RALGAPA2: variants seen among roughly 807,000 people sequenced by gnomAD.
RALGAPA2 encodes the protein Ral GTPase activating protein catalytic subunit alpha 2, also known as ral GTPase-activating protein subunit alpha-2.
A neutral mutation model predicts 230.4 loss-of-function variants in RALGAPA2; 139 were observed. That is an observed-to-expected ratio of 0.60 (90% CI 0.53 to 0.69). RALGAPA2 has a LOEUF of 0.69. Ranked by LOEUF, RALGAPA2 falls within the 30% of genes least tolerant of loss-of-function variation. The pLI is 0.00. For missense variants in RALGAPA2, 2,163 were observed against 2,276.0 expected, an observed-to-expected ratio of 0.95 and a Z score of 1.01; for synonymous variants, 847 against 837.8, an observed-to-expected ratio of 1.01 and a Z score of -0.19.
rs570939852 is a variant in RALGAPA2 at position 20,591,274 on chromosome 20, G to T, written c.2244C>A (p.Ala748=). ...ECQQSENAPA[A]GSGHLTVGQQ... is the part of the protein sequence containing the mutation. ...GTCCCACTGTGAGATGGCCAGATCC[G>T]GCTGCAGGTGCATTTTCTGACTGTT... Residue 748 remains alanine (A), a synonymous_variant, in exon 17 of 40, where the codon GCC becomes GCA. Transcript: ENST00000202677. The T allele has an allele frequency of 6.2e-7, 1 of 1,613,800 alleles. No homozygotes were observed. Among genetic ancestry groups the T allele is most frequent in the South Asian group, 1.1e-5 (1 of 91,070 alleles).
In RALGAPA2 at chr20:20,584,614, T is replaced by C. The variant is rs150591201; in HGVS notation, c.2530+251A>G. Among the ~76,000 whole-genome samples the C allele has an allele frequency of 1.1e-3, 165 of 152,264 alleles. 3 individuals are homozygous for C. The East Asian group carries it at 0.027, about 25-fold the overall frequency. The stretch of plus-strand genomic sequence containing the variant: ...GGGCAACATGGCAAAACCTCATCTC[T>C]ATAAAAAATAGAAAAATCAGCCAAG... On this transcript the variant is annotated intron_variant, in intron 19 of 39. Transcript: ENST00000202677.
At chr20:20,600,326 T>C (rs544328409) in intron 16 of RALGAPA2, among the ~76,000 whole-genome samples, 1 of 152,188 alleles carries the variant, frequency 6.6e-6, no homozygotes, top group East Asian at 1.9e-4. Flanking sequence ...AATCCAATGA[T>C]AAAAGCAAAT....
chr20:20,653,938 T>C (rs1471600079), intron 3 of RALGAPA2, among the ~76,000 whole-genome samples: 10 of 152,192 alleles, frequency 6.6e-5, no homozygotes, highest in Non-Finnish European at 8.8e-5. Context: ...TTTCTTCTTT[T>C]TCACCATCTC....
chr20:20,534,645 T>C (rs1350100805), intron 26 of RALGAPA2, among the ~76,000 whole-genome samples: 2 of 151,742 alleles, frequency 1.3e-5, no homozygotes, highest in Admixed American at 1.3e-4. Context: ...ATCAAGAAAA[T>C]ATTAGACCTA....
rs1018047267 is a variant in RALGAPA2, at chr20:20,535,943, G to C, written c.3415-140C>G. 22 of 1,336,276 alleles carry C rather than the reference G, an allele frequency of 1.6e-5. 1 individual carries two copies. The highest frequency in any genetic ancestry group is 1.9e-4 in the Middle Eastern group (1 of 5,262). 82.8% of individuals were successfully genotyped at this position (1,336,276 alleles called of 1,614,324 possible). On this transcript the variant is annotated intron_variant, in intron 25 of 39. Transcript: ENST00000202677. ...GAGCTCATCTATGAGTGAGAGCCTG[G>C]GGGGAAGAAGAACACTGGGCTCGGG...
chr20:20,436,105 G>A (rs777015831), intron 37 of RALGAPA2, among the ~76,000 whole-genome samples: 3 of 152,138 alleles, frequency 2.0e-5, no homozygotes, highest in African/African-American at 4.8e-5. Context: ...GGAAAAGCCC[G>A]CTGGGCCCCA....
At chr20:20,671,367 C>T (rs1014906937) in intron 3 of RALGAPA2, among the ~76,000 whole-genome samples, 11 of 152,196 alleles carry the variant, frequency 7.2e-5, no homozygotes, top group African/African-American at 2.7e-4. Context: ...TACATGGTAT[C>T]GCTTTTGTGA....
chr20:20,599,859 G>C (rs2065579828), intron 16 of RALGAPA2, among the ~76,000 whole-genome samples: 1 of 152,056 alleles, frequency 6.6e-6, no homozygotes, highest in Admixed American at 6.6e-5. Context: ...TGTAATCCCA[G>C]CTACTCGGGA....
At chr20:20,642,553 A>G (rs2067079058) in intron 5 of RALGAPA2, among the ~76,000 whole-genome samples, 1 of 152,196 alleles carries the variant, frequency 6.6e-6, no homozygotes, top group Non-Finnish European at 1.5e-5. Flanking sequence ...ATTGAACAAG[A>G]GGGAAGTTTC....
chr20:20,412,575 A>C (rs2068259), intron 37 of RALGAPA2, among the ~76,000 whole-genome samples: 96,415 of 151,980 alleles, frequency 0.63, 30,559 homozygotes, highest in African/African-American at 0.66. Context: ...GTGATACGAC[A>C]GTGCAGACGC....
intron 1 of RALGAPA2, among the ~76,000 whole-genome samples, chr20:20,693,052 T>C (rs2068972905): frequency 6.6e-6 from 1 of 152,210 alleles, no homozygotes; most frequent in Admixed American, 6.5e-5. Flanking sequence ...TAATCCTACT[T>C]CATTTCTGAA....
chr20:20,410,169 C>T (rs1041878666), intron 38 of RALGAPA2, among the ~76,000 whole-genome samples: 1 of 152,172 alleles, frequency 6.6e-6, no homozygotes, highest in Non-Finnish European at 1.5e-5. Flanking sequence ...TATTGACAAT[C>T]CTCTCCAAGT....
intron 37 of RALGAPA2, among the ~76,000 whole-genome samples, chr20:20,422,562 C>T (rs573215056): frequency 1.3e-5 from 2 of 152,010 alleles, no homozygotes; most frequent in Admixed American, 6.5e-5. Flanking sequence ...CAGAATGAGA[C>T]CCTGTCTCAA....
In RALGAPA2 at chr20:20,490,267, A is replaced by G. The variant is rs149954169; in HGVS notation, c.5367+4850T>C. Reference sequence around the variant, plus strand: ...CTCTAATTAGAAGTGGCAATGAATTAGAGAAGAAATTTGATTTTAATTTAA... The same window carrying G: ...CTCTAATTAGAAGTGGCAATGAATTGGAGAAGAAATTTGATTTTAATTTAA... On this transcript the variant is annotated intron_variant, in intron 36 of 39. Transcript: ENST00000202677. Among the ~76,000 whole-genome samples, 6 of 152,394 alleles carry G rather than the reference A, an allele frequency of 3.9e-5. No homozygotes were observed. In the East Asian group the frequency reaches 1.2e-3, roughly 29 times the overall value.
At chr20:20,503,055 A>G (rs2062424503) in intron 35 of RALGAPA2, among the ~76,000 whole-genome samples, 1 of 152,214 alleles carries the variant, frequency 6.6e-6, no homozygotes, top group African/African-American at 2.4e-5. Context: ...GCCCCGCAGC[A>G]AGCCTCAGAG....
rs143300815 is a variant in RALGAPA2, at chr20:20,598,039, A to G, written c.2203+3643T>C. On this transcript the variant is annotated intron_variant, in intron 16 of 39. Coordinates refer to ENST00000202677, the MANE Select transcript of RALGAPA2 (RefSeq NM_020343.4). ...TCCTTCTGTTGAAGTAAGTAGGCCA[A>G]AAATGACTTTTGGTGCTATGATATC... Among the ~76,000 whole-genome samples, 1,096 of 152,338 alleles carry G rather than the reference A, an allele frequency of 7.2e-3. 10 individuals carry two copies. The highest frequency in any genetic ancestry group is 0.025 in the African/African-American group (1,052 of 41,580).
intron 9 of RALGAPA2, among the ~76,000 whole-genome samples, chr20:20,632,027 C>CTTT (rs563059184): frequency 7.1e-6 from 1 of 141,386 alleles, no homozygotes; most frequent in Non-Finnish European, 1.6e-5. Flanking sequence ...ACACACCCAG[C>CTTT]TTTTTTTTTT....
intron 3 of RALGAPA2, among the ~76,000 whole-genome samples, chr20:20,654,439 C>G (rs1053545821): frequency 6.6e-6 from 1 of 152,238 alleles, no homozygotes; most frequent in Non-Finnish European, 1.5e-5. Flanking sequence ...ATTCACCCAC[C>G]TCAGCCTCCC....
chr20:20,393,177 AG>A lies in RALGAPA2; in HGVS notation c.*111del, dbSNP rs777759669. The A allele has an allele frequency of 8.2e-5, 111 of 1,351,726 alleles. No individual in the cohort carries two copies. The highest frequency in any genetic ancestry group is 1.1e-4 in the Non-Finnish European group (109 of 1,015,070). The allele number at this position is 1,351,726 out of a possible 1,614,324, so 83.7% of individuals were successfully genotyped here. A position where few individuals can be genotyped will look rare whatever the true frequency, so the allele number is the denominator to read the frequency against. On this transcript the variant is annotated 3_prime_UTR_variant, in exon 40 of 40. Transcript: ENST00000202677. ...TTCTGGGTTTAGTGGCTCGGGGCAG[AG>A]GCAGGAGAGGGTGTTCTGTCTCCTC...
Sources: gnomAD v4.1 joint callset for allele counts (sites outside exome capture counted in the v4.1 genomes callset) on GRCh38, gnomAD v4.1.1 for gene constraint, MANE v1.5 for transcripts, NCBI Gene and HGNC (gene_info 2026-07-23, HGNC 2026-07-21) for gene names.